AGPS: variants seen among roughly 807,000 people sequenced by gnomAD.
AGPS encodes alkyldihydroxyacetonephosphate synthase, peroxisomal.
AGPS carries 26 observed loss-of-function variants against 90.7 expected under a neutral mutation model. The ratio of observed to expected loss-of-function variants is 0.29; its 90% CI spans 0.21 to 0.40. The LOEUF (loss-of-function observed/expected upper bound fraction) is 0.40, where lower values mean the gene tolerates loss of function less well. Ranked by LOEUF, AGPS falls within the 10% of genes least tolerant of loss-of-function variation. The pLI is 1.00. For synonymous variants in AGPS, 294 were observed against 285.3 expected (o/e 1.03, Z -0.31); for missense variants, 540 against 816.1 (o/e 0.66, Z 4.12).
At chr2:177,430,619 C>G (rs1686214755) in intron 2 of AGPS, among the ~76,000 whole-genome samples, 1 of 152,008 alleles carries the variant, frequency 6.6e-6, no homozygotes, top group African/African-American at 2.4e-5. Flanking sequence ...TGGCTCCATG[C>G]TTCTCCCACT....
At chr2:177,411,603 T>A (rs993123786) in intron 1 of AGPS, among the ~76,000 whole-genome samples, 8 of 152,194 alleles carry the variant, frequency 5.3e-5, no homozygotes, top group Non-Finnish European at 1.2e-4. Flanking sequence ...AGCACTTTTC[T>A]CATTTGGGGT....
At chr2:177,462,675 A>T (rs545121431) in intron 9 of AGPS, among the ~76,000 whole-genome samples, 3 of 152,300 alleles carry the variant, frequency 2.0e-5, no homozygotes, top group East Asian at 3.9e-4. Context: ...GGAAAAAAAA[A>T]TAACAATACC....
intron 5 of AGPS, among the ~76,000 whole-genome samples, chr2:177,437,514 A>C (rs1686451080): frequency 6.6e-6 from 1 of 152,290 alleles, no homozygotes; most frequent in Admixed American, 6.5e-5. Context: ...TGAATAATTA[A>C]ATTTTGAGTA....
At chr2:177,483,399 C>G (rs1688003913) in intron 11 of AGPS, among the ~76,000 whole-genome samples, 1 of 152,180 alleles carries the variant, frequency 6.6e-6, no homozygotes. Flanking sequence ...AGCTATATGA[C>G]CACCTAATTC....
At position 177,468,618 on chromosome 2, in the gene AGPS, C is replaced by T. The variant is rs559296127; in HGVS notation, c.1105+94C>T. 9 of 898,704 alleles carry T rather than the reference C, an allele frequency of 1.0e-5. No homozygotes were observed. The East Asian group carries it at 2.3e-4, about 23-fold the overall frequency. 55.7% of individuals were successfully genotyped at this position (898,704 alleles called of 1,614,324 possible). A position where few individuals can be genotyped will look rare whatever the true frequency, so the allele number is the denominator to read the frequency against. Reference sequence around the variant, plus strand: ...ATTGTGACATCAGATCTTTGAAAGACATGTTTTATATGTTTAAGGAATTTT... The same window carrying T: ...ATTGTGACATCAGATCTTTGAAAGATATGTTTTATATGTTTAAGGAATTTT... On this transcript the variant is annotated intron_variant, in intron 10 of 19. Coordinates refer to ENST00000264167, the MANE Select transcript of AGPS (RefSeq NM_003659.4).
chr2:177,513,675 C>G, intron 16 of AGPS, 144 bp from the exon 17 acceptor site: 1 of 658,680 alleles, frequency 1.5e-6, no homozygotes, highest in Non-Finnish European at 2.7e-6. Flanking sequence ...GATCAGGGCT[C>G]TTTTCCATTC....
chr2:177,533,125 A>G (rs191430876), intron 19 of AGPS, among the ~76,000 whole-genome samples: 1 of 152,290 alleles, frequency 6.6e-6, no homozygotes, highest in African/African-American at 2.4e-5. Flanking sequence ...TTACTATAAG[A>G]TAGAAAATTT....
At chr2:177,493,003 T>C (rs1354933992) in intron 11 of AGPS, 145 bp from the exon 12 acceptor site, 5 of 697,030 alleles carry the variant, frequency 7.2e-6, no homozygotes, top group South Asian at 1.8e-5. Context: ...TAAAAGTATA[T>C]GAAAAGTTAA....
At chr2:177,412,338 A>G (rs574820663) in intron 1 of AGPS, among the ~76,000 whole-genome samples, 3 of 152,252 alleles carry the variant, frequency 2.0e-5, no homozygotes, top group East Asian at 1.9e-4. Flanking sequence ...CATGATGTCA[A>G]CCGGCTAATG....
chr2:177,472,044 T>C (rs1367970701), intron 10 of AGPS, among the ~76,000 whole-genome samples: 2 of 152,028 alleles, frequency 1.3e-5, no homozygotes, highest in Non-Finnish European at 2.9e-5. Flanking sequence ...CAGTGGACCC[T>C]TTCTATTTGT....
chr2:177,486,319 T>C (rs926653445), intron 11 of AGPS, among the ~76,000 whole-genome samples: 1 of 152,152 alleles, frequency 6.6e-6, no homozygotes, highest in Non-Finnish European at 1.5e-5. Flanking sequence ...GGATAAAAGG[T>C]TTTATAATGG....
chr2:177,511,875 CAGTG>C (rs1355452648), intron 16 of AGPS, among the ~76,000 whole-genome samples: 1 of 152,138 alleles, frequency 6.6e-6, no homozygotes, highest in Non-Finnish European at 1.5e-5. Flanking sequence ...ATTCAACTAT[CAGTG>C]AGGGTTTAGA....
At chr2:177,426,460 G>A (rs1020112188) in intron 2 of AGPS, among the ~76,000 whole-genome samples, 1 of 152,178 alleles carries the variant, frequency 6.6e-6, no homozygotes, top group Non-Finnish European at 1.5e-5. Flanking sequence ...AAGCATCCTT[G>A]TCTTATGCCG....
intron 1 of AGPS, among the ~76,000 whole-genome samples, chr2:177,403,819 C>G (rs1417261101): frequency 1.3e-5 from 2 of 152,106 alleles, no homozygotes; most frequent in African/African-American, 4.8e-5. Context: ...TTCAGTGACT[C>G]AGGAAGTATT....
chr2:177,540,290 A>G lies in AGPS; in HGVS notation c.*2095A>G, dbSNP rs1003750085. The G allele has an allele frequency of 6.6e-6, 1 of 151,936 alleles. No individual in the cohort carries two copies. Among genetic ancestry groups the G allele is most frequent in the Admixed American group, 6.6e-5 (1 of 15,234 alleles). 9.4% of individuals were successfully genotyped at this position (151,936 alleles called of 1,614,324 possible). Reference sequence around the variant, plus strand: ...CACTATTCTACATGAACCTTATGGAAATTCATGATTTATGTCTTTGTTTTT... The same window carrying G: ...CACTATTCTACATGAACCTTATGGAGATTCATGATTTATGTCTTTGTTTTT... On this transcript the variant is annotated 3_prime_UTR_variant, in exon 20 of 20. Transcript: ENST00000264167.
intron 7 of AGPS, 150 bp downstream of exon 7, chr2:177,442,636 C>T (rs1237796016): frequency 1.1e-5 from 7 of 643,938 alleles, no homozygotes; most frequent in East Asian, 2.9e-5. Context: ...CACTTGAGGT[C>T]GGGAGTTCGA....
intron 9 of AGPS, among the ~76,000 whole-genome samples, chr2:177,466,487 C>T (rs1384648640): frequency 3.3e-5 from 5 of 152,202 alleles, no homozygotes; most frequent in Admixed American, 2.6e-4. Flanking sequence ...CGCCCATTTC[C>T]GCCCAGGAGC....
chr2:177,439,896 T>G (rs866747130), intron 5 of AGPS, among the ~76,000 whole-genome samples: 1 of 152,206 alleles, frequency 6.6e-6, no homozygotes, highest in Non-Finnish European at 1.5e-5. Flanking sequence ...AAGTTGAGTC[T>G]TAGCACCTCT....
Position 177,538,386 on chromosome 2 carries a change from C to T in AGPS, c.*191C>T, listed in dbSNP as rs1021825953. 4.7e-6 allele frequency: 3 copies of T among 640,988 alleles called. No homozygotes were observed. The African/African-American group carries it at 5.5e-5, about 12-fold the overall frequency. The allele number at this position is 640,988 out of a possible 1,614,324, so 39.7% of individuals were successfully genotyped here. On this transcript the variant is annotated 3_prime_UTR_variant, in exon 20 of 20. Transcript: ENST00000264167. ...GGATTGACAGATAGTATTCCTAAAT[C>T]TCTCTCATTGTAGGTACATCATTTT...
Sources: allele counts gnomAD v4.1 joint callset (sites outside exome capture counted in the v4.1 genomes callset), GRCh38; gene constraint gnomAD v4.1.1; transcripts MANE v1.5; gene names NCBI Gene and HGNC (gene_info 2026-07-23, HGNC 2026-07-21).